SPANXN2: variants seen among roughly 807,000 people sequenced by gnomAD.
The protein encoded by SPANXN2 is SPANX family member N2.
Under a neutral mutation model 2.0 loss-of-function variants are expected in SPANXN2, and 1 was observed. That is an observed-to-expected ratio of 0.50 (90% CI 0.18 to 2.36). The LOEUF (loss-of-function observed/expected upper bound fraction) is 2.36, where lower values mean the gene tolerates loss of function less well. SPANXN2 is among the 30% of genes most tolerant of loss of function. The probability of loss-of-function intolerance (pLI) is 0.26; values close to 1 mark genes in which losing one functional copy is unlikely to be tolerated. For missense variants in SPANXN2, 88 were observed against 116.7 expected (o/e 0.75, Z 1.13); for synonymous variants, 43 against 49.8 (o/e 0.86, Z 0.58).
intron 1 of SPANXN2, among the ~76,000 whole-genome samples, chrX:143,719,761 G>T (rs5908769): frequency 1.2e-3 from 138 of 110,508 alleles, no homozygotes; most frequent in African/African-American, 4.3e-3. Context: ...TAAGCAGGCT[G>T]TACATCTCAT....
At chrX:143,718,592 T>C (rs782348257) in intron 1 of SPANXN2, among the ~76,000 whole-genome samples, 1 of 111,998 alleles carries the variant, frequency 8.9e-6, no homozygotes, top group East Asian at 2.8e-4. Context: ...CCCCAAATTA[T>C]TCTCCTTCCC....
intron 1 of SPANXN2, among the ~76,000 whole-genome samples, chrX:143,714,790 C>G (rs1226497416): frequency 6.3e-5 from 7 of 111,777 alleles, no homozygotes; most frequent in Admixed American, 4.7e-4. Context: ...TCCAAAGAGA[C>G]TTAATCAAAG....
chrX:143,714,217 C>T (rs782408871), intron 1 of SPANXN2, among the ~76,000 whole-genome samples: 5 of 111,184 alleles, frequency 4.5e-5, no homozygotes, highest in African/African-American at 1.6e-4. Context: ...AAGTCCTTCC[C>T]TTGCAGGAGG....
chrX:143,719,773 C>A (rs1556450593), intron 1 of SPANXN2, among the ~76,000 whole-genome samples: 1 of 111,010 alleles, frequency 9.0e-6, no homozygotes, highest in African/African-American at 3.3e-5. Flanking sequence ...ACATCTCATT[C>A]TAGTGTTAGC....
At chrX:143,718,443 C>A (rs1163787555) in intron 1 of SPANXN2, among the ~76,000 whole-genome samples, 1 of 111,690 alleles carries the variant, frequency 9.0e-6, no homozygotes, top group Non-Finnish European at 1.9e-5. Context: ...CCTCCTCCCC[C>A]GCTCTCCAAC....
intron 1 of SPANXN2, among the ~76,000 whole-genome samples, chrX:143,720,312 A>T (rs1932343244): frequency 9.3e-6 from 1 of 107,389 alleles, no homozygotes; most frequent in Non-Finnish European, 1.9e-5. Context: ...GCAAAGTTCC[A>T]AGAAACACCA....
intron 1 of SPANXN2, among the ~76,000 whole-genome samples, chrX:143,717,965 T>C (rs782707585): frequency 4.5e-5 from 5 of 111,802 alleles, no homozygotes; most frequent in African/African-American, 1.3e-4. Flanking sequence ...ACCCATATTA[T>C]CCACCGGTTT....
At chrX:143,712,554 G>C (rs1932184725) in intron 1 of SPANXN2, 55 bp from the exon 2 acceptor site, 1 of 1,088,109 alleles carries the variant, frequency 9.2e-7, no homozygotes, top group African/African-American at 1.9e-5. Flanking sequence ...GAATAGGGTA[G>C]AGACTGGATA....
intron 1 of SPANXN2, among the ~76,000 whole-genome samples, chrX:143,714,329 TC>T (rs1370566071): frequency 9.0e-6 from 1 of 111,663 alleles, no homozygotes; most frequent in African/African-American, 3.3e-5. Flanking sequence ...GGATCCAACC[TC>T]CTTCCACAAG....
exon 2 of SPANXN2, chrX:143,712,028 T>G (rs782327757): frequency 1.6e-5 from 19 of 1,211,119 alleles, no homozygotes; most frequent in Admixed American, 2.2e-5. Context: ...GGTTTCTCCA[T>G]GTTTGACTAG....
intron 1 of SPANXN2, among the ~76,000 whole-genome samples, chrX:143,717,993 C>G (rs1273352800): frequency 8.9e-5 from 10 of 111,993 alleles, no homozygotes; most frequent in South Asian, 3.7e-4. Context: ...CCTCTTGCAT[C>G]CAGTCAGACA....
chrX:143,716,852 G>A (rs782297999), intron 1 of SPANXN2, among the ~76,000 whole-genome samples: 10 of 111,729 alleles, frequency 9.0e-5, no homozygotes, highest in Non-Finnish European at 1.9e-4. Flanking sequence ...TACAGCAGGT[G>A]CATGCCTTAT....
At chrX:143,713,088 C>T (rs1272121897) in intron 1 of SPANXN2, among the ~76,000 whole-genome samples, 2 of 111,393 alleles carry the variant, frequency 1.8e-5, no homozygotes, top group African/African-American at 6.5e-5. Flanking sequence ...TGAGCTGCCC[C>T]CTGTGTGTCT....
chrX:143,720,534 C>T (rs1318569955), intron 1 of SPANXN2, 57 bp downstream of exon 1: 1 of 1,165,649 alleles, frequency 8.6e-7, no homozygotes, highest in African/African-American at 1.8e-5. Context: ...TGAGCCGTCC[C>T]TTCTCTGTGT....
chrX:143,720,487 C>T, intron 1 of SPANXN2, 104 bp downstream of exon 1: 2 of 953,295 alleles, frequency 2.1e-6, no homozygotes, highest in Non-Finnish European at 2.9e-6. Flanking sequence ...GGGTCCCCCA[C>T]TTCCACAGGT....
At position 143,712,431 on chromosome X, in the gene SPANXN2, A is replaced by T; in HGVS notation, c.147T>A (p.Tyr49Ter). The change falls in exon 2 of 2, where the codon TAT becomes TAA. Residue 49 changes from tyrosine to a stop codon, truncating the protein, a stop_gained. Transcript: ENST00000598475. LOFTEE classifies it low-confidence loss of function (END_TRUNC). ...TGTAGTAATACACTATTATTGTTAG[A>T]TATTCTATTGTTTTTGTCTTTTGCA... 1.7e-6 allele frequency: 2 copies of T among 1,211,962 alleles called. No homozygotes were observed. The highest frequency in any genetic ancestry group is 1.1e-6 in the Non-Finnish European group (1 of 895,590).
At chrX:143,713,563 C>T (rs782337641) in intron 1 of SPANXN2, among the ~76,000 whole-genome samples, 5 of 111,565 alleles carry the variant, frequency 4.5e-5, no homozygotes, top group African/African-American at 9.8e-5. Flanking sequence ...ACCTTCAAAA[C>T]GTTTGCCACT....
chrX:143,716,576 C>G (rs782721242), intron 1 of SPANXN2, among the ~76,000 whole-genome samples: 43 of 112,132 alleles, frequency 3.8e-4, no homozygotes, highest in Non-Finnish European at 6.2e-4. Flanking sequence ...CTGTTACTTT[C>G]TATGTACATT....
At chrX:143,718,652 T>A (rs1179228291) in intron 1 of SPANXN2, among the ~76,000 whole-genome samples, 3 of 111,866 alleles carry the variant, frequency 2.7e-5, no homozygotes, top group Non-Finnish European at 5.6e-5. Context: ...AAGTTGCCAA[T>A]CCAGAACACC....
Sources: allele counts gnomAD v4.1 joint callset (sites outside exome capture counted in the v4.1 genomes callset), GRCh38; gene constraint gnomAD v4.1.1; transcripts MANE v1.5; gene names NCBI Gene and HGNC (gene_info 2026-07-23, HGNC 2026-07-21).